Variants in ST6GAL1 observed in about 807,000 individuals in gnomAD.
ST6GAL1 encodes the protein ST6 beta-galactoside alpha-2,6-sialyltransferase 1.
Under a neutral mutation model 38.0 loss-of-function variants are expected in ST6GAL1, and 20 were observed. The ratio of observed to expected loss-of-function variants is 0.53; its 90% CI spans 0.37 to 0.77. ST6GAL1 has a LOEUF of 0.77. Ranked by LOEUF, ST6GAL1 falls within the 30% of genes least tolerant of loss-of-function variation. The pLI is 0.00. For missense variants in ST6GAL1, 432 were observed against 496.4 expected (o/e 0.87, Z 1.23); for synonymous variants, 196 against 188.2 (o/e 1.04, Z -0.34).
At chr3:186,982,318 C>T (rs1007561947) in intron 2 of ST6GAL1, among the ~76,000 whole-genome samples, 2 of 152,184 alleles carry the variant, frequency 1.3e-5, no homozygotes, top group African/African-American at 4.8e-5. Flanking sequence ...CATTCCTAAC[C>T]TTTTTCCATG....
chr3:187,038,942 G>A (rs1718032983), intron 3 of ST6GAL1, 69 bp downstream of exon 3: 2 of 152,236 alleles, frequency 1.3e-5, no homozygotes, highest in Admixed American at 1.3e-4. Flanking sequence ...TGTGGCAGAT[G>A]TCCTGGCAGG....
chr3:187,008,410 T>A (rs1362361322), intron 2 of ST6GAL1, among the ~76,000 whole-genome samples: 1 of 151,740 alleles, frequency 6.6e-6, no homozygotes, highest in East Asian at 1.9e-4. Context: ...CCTATTCGAA[T>A]GACTGTCCAT....
intron 2 of ST6GAL1, among the ~76,000 whole-genome samples, chr3:187,000,092 G>C (rs1716565737): frequency 6.6e-6 from 1 of 152,128 alleles, no homozygotes; most frequent in Admixed American, 6.5e-5. Flanking sequence ...CTCTCAAAGT[G>C]ATGGGATTCA....
In ST6GAL1 at chr3:187,076,600, C is replaced by T. The variant is rs933961854; in HGVS notation, c.*797C>T. ...TCTCTCTGTGCACCCAGGAGGGCCA[C>T]GCACTTAAAACTGTGTTTGTGGATC... On this transcript the variant is annotated 3_prime_UTR_variant, in exon 8 of 8. Coordinates refer to ENST00000169298, the MANE Select transcript of ST6GAL1 (RefSeq NM_173216.2). 9 of 378,064 alleles carry T rather than the reference C, an allele frequency of 2.4e-5. No homozygotes were observed. The highest frequency in any genetic ancestry group is 1.5e-4 in the East Asian group (4 of 26,322). 23.4% of individuals were successfully genotyped at this position (378,064 alleles called of 1,614,324 possible). A position where few individuals can be genotyped will look rare whatever the true frequency, so the allele number is the denominator to read the frequency against.
chr3:186,967,483 C>T (rs888583618), intron 2 of ST6GAL1, among the ~76,000 whole-genome samples: 4 of 152,206 alleles, frequency 2.6e-5, no homozygotes, highest in Admixed American at 6.5e-5. Flanking sequence ...TGAGCGACTG[C>T]GCCTGGCCCG....
At chr3:187,019,098 A>C (rs1202596826) in intron 2 of ST6GAL1, among the ~76,000 whole-genome samples, 1 of 152,214 alleles carries the variant, frequency 6.6e-6, no homozygotes, top group Non-Finnish European at 1.5e-5. Context: ...AAATAACTCA[A>C]ATTTTAAATT....
At chr3:186,967,341 G>T (rs913057450) in intron 2 of ST6GAL1, among the ~76,000 whole-genome samples, 1 of 149,232 alleles carries the variant, frequency 6.7e-6, no homozygotes, top group Non-Finnish European at 1.5e-5. Flanking sequence ...ACAGGCGCCT[G>T]CCACCACACC....
intron 5 of ST6GAL1, among the ~76,000 whole-genome samples, chr3:187,062,828 A>AT (rs61063019): frequency 0.15 from 23,332 of 152,170 alleles, 3,482 homozygotes; most frequent in African/African-American, 0.39. Context: ...TTTTAATACA[A>AT]TTTTTAAATT....
At chr3:186,978,996 A>G (rs1715607210) in intron 2 of ST6GAL1, among the ~76,000 whole-genome samples, 1 of 151,230 alleles carries the variant, frequency 6.6e-6, no homozygotes, top group Non-Finnish European at 1.5e-5. Flanking sequence ...AGTTGGCACC[A>G]CCTCCTCGGC....
intron 2 of ST6GAL1, among the ~76,000 whole-genome samples, chr3:187,025,027 G>C (rs1002652378): frequency 2.0e-5 from 3 of 150,006 alleles, no homozygotes; most frequent in African/African-American, 7.5e-5. Flanking sequence ...GTGTCTGTGT[G>C]TGTGTGTCTC....
chr3:187,022,606 T>A (rs2108566262), intron 2 of ST6GAL1, among the ~76,000 whole-genome samples: 1 of 152,256 alleles, frequency 6.6e-6, no homozygotes, highest in East Asian at 1.9e-4. Context: ...TGACTCTCAG[T>A]TAGAATCTCT....
chr3:187,072,984 C>T (rs988316635), intron 6 of ST6GAL1, 37 bp downstream of exon 6: 13 of 1,505,718 alleles, frequency 8.6e-6, no homozygotes, highest in African/African-American at 2.8e-5. Context: ...GGTTGAGTTT[C>T]CTGTCTGTCT....
chr3:187,018,277 G>C (rs375809162), intron 2 of ST6GAL1, among the ~76,000 whole-genome samples: 1 of 152,156 alleles, frequency 6.6e-6, no homozygotes, highest in Non-Finnish European at 1.5e-5. Flanking sequence ...GCTGTTGGGG[G>C]TGGTTTTTCT....
rs181905657 is a variant in ST6GAL1 at position 186,982,448 on chromosome 3, A to G, written c.-183+18522A>G. Reference sequence around the variant, plus strand: ...TGGCAGACAGTTAGGGGGAATATGTATCTTCAACTATGGGGCAGTATGGCA... The same window carrying G: ...TGGCAGACAGTTAGGGGGAATATGTGTCTTCAACTATGGGGCAGTATGGCA... On this transcript the variant is annotated intron_variant, in intron 2 of 7. Transcript: ENST00000169298. Among the ~76,000 whole-genome samples the G allele has an allele frequency of 8.9e-4, 136 of 152,338 alleles. 1 individual carries two copies. Among genetic ancestry groups the G allele is most frequent in the African/African-American group, 3.1e-3 (128 of 41,572 alleles).
intron 4 of ST6GAL1, among the ~76,000 whole-genome samples, chr3:187,049,744 C>G (rs1056281517): frequency 6.6e-6 from 1 of 152,218 alleles, no homozygotes; most frequent in African/African-American, 2.4e-5. Context: ...CTCTTTTCTA[C>G]TGGGATTCTC....
chr3:186,974,245 A>G (rs1354516247), intron 2 of ST6GAL1, among the ~76,000 whole-genome samples: 7 of 152,146 alleles, frequency 4.6e-5, no homozygotes, highest in Non-Finnish European at 1.0e-4. Flanking sequence ...CGCCTCCAAC[A>G]GCCTAGACCG....
chr3:187,075,590 C>T lies in ST6GAL1; in HGVS notation c.1008C>T (p.Asp336=), dbSNP rs777834382. The T allele has an allele frequency of 3.1e-6, 5 of 1,614,114 alleles. No homozygotes were observed. The South Asian group carries it at 5.5e-5, about 18-fold the overall frequency. ...TCATCATCATGATGACGCTGTGTGA[C>T]CAGGTGGATATTTATGAGTTCCTCC... The part of the protein sequence containing the change: ...LGIIIMMTLC[D]QVDIYEFLPS... Residue 336 remains aspartate (D), a synonymous_variant, in exon 8 of 8, where the codon GAC becomes GAT. Coordinates refer to ENST00000169298, the MANE Select transcript of ST6GAL1 (RefSeq NM_173216.2). This position sits in a 1 kb window ranked among gnomAD's most constrained non-coding sequence, Gnocchi z 4.1.
intron 1 of ST6GAL1, among the ~76,000 whole-genome samples, chr3:186,948,528 A>AGTGTGTGTGT (rs36234165): frequency 8.6e-4 from 126 of 146,344 alleles, no homozygotes; most frequent in East Asian, 3.1e-3. Context: ...CAGAAACTCT[A>AGTGTGTGTGT]GTGTGTGTGT....
chr3:187,074,329 G>A lies in ST6GAL1; in HGVS notation c.975G>A (p.Met325Ile), dbSNP rs1162392277. The change falls in exon 7 of 8, where the codon ATG becomes ATA. Residue 325 changes from methionine (M) to isoleucine (I), a missense_variant. Met to Ile is a conservative substitution (Grantham distance 10, BLOSUM62 1). Transcript: ENST00000169298. ...EIQPNPPSSGMLGIIIMMTLC... is the reference protein window; with the variant it reads ...EIQPNPPSSGILGIIIMMTLC... ...AGCCAAACCCCCCATCCTCTGGGAT[G>A]CTTGGTGAGTTCATGTCGGGGAAAA... is the stretch of plus-strand genomic sequence containing the variant. 1 of 1,583,296 alleles carries A rather than the reference G, an allele frequency of 6.3e-7. No individual in the cohort carries two copies. Among genetic ancestry groups the A allele is most frequent in the Non-Finnish European group, 8.6e-7 (1 of 1,167,748 alleles).
Sources: allele counts gnomAD v4.1 joint callset (sites outside exome capture counted in the v4.1 genomes callset), GRCh38; gene constraint gnomAD v4.1.1; non-coding constraint Gnocchi (gnomAD v3.1); transcripts MANE v1.5; gene names NCBI Gene and HGNC (gene_info 2026-07-23, HGNC 2026-07-21).